The following EHMT1 variants were observed in gnomAD, a reference collection of about 807,000 sequenced individuals.
The protein encoded by EHMT1 is histone-lysine N-methyltransferase EHMT1.
In EHMT1, 15 loss-of-function variants were observed where a neutral mutation model predicts 147.2. The ratio of observed to expected loss-of-function variants is 0.10; its 90% CI spans 0.07 to 0.16. The LOEUF (loss-of-function observed/expected upper bound fraction) is 0.16, where lower values mean the gene tolerates loss of function less well. EHMT1 is among the 10% of genes least tolerant of loss of function. The pLI is 1.00. For missense variants in EHMT1, 1,587 were observed against 1,772.4 expected, an observed-to-expected ratio of 0.90 and a Z score of 1.88; for synonymous variants, 795 against 709.6, an observed-to-expected ratio of 1.12 and a Z score of -1.91.
intron 18 of EHMT1, among the ~76,000 whole-genome samples, chr9:137,810,831 C>T (rs1313826509): frequency 6.6e-6 from 1 of 152,038 alleles, no homozygotes; most frequent in Non-Finnish European, 1.5e-5. Flanking sequence ...TCGCAAGTAG[C>T]TGGGATTACA....
chr9:137,678,804 C>T (rs2134473939), intron 1 of EHMT1, among the ~76,000 whole-genome samples: 1 of 150,420 alleles, frequency 6.6e-6, no homozygotes, highest in East Asian at 2.0e-4. Context: ...TGCCCAGCAG[C>T]TGGCAGATGG....
chr9:137,755,183 G>A (rs959420247), intron 8 of EHMT1, among the ~76,000 whole-genome samples: 4 of 152,194 alleles, frequency 2.6e-5, no homozygotes, highest in Admixed American at 6.5e-5. Context: ...CAGATGATCA[G>A]TGCCATGAGC....
chr9:137,652,031 A>G (rs1937894990), intron 1 of EHMT1, among the ~76,000 whole-genome samples: 3 of 152,164 alleles, frequency 2.0e-5, no homozygotes, highest in Non-Finnish European at 4.4e-5. Context: ...TTTTACCATT[A>G]TTGTAGAGTG....
At chr9:137,697,555 A>G (rs1250045244) in intron 1 of EHMT1, among the ~76,000 whole-genome samples, 7 of 152,176 alleles carry the variant, frequency 4.6e-5, no homozygotes, top group Non-Finnish European at 8.8e-5. Flanking sequence ...TTTTAGCCTC[A>G]TGTAGAAGGA....
At position 137,792,720 on chromosome 9, in the gene EHMT1, C is replaced by T. The variant is rs149714961; in HGVS notation, c.2505+1750C>T. 3.8e-3 allele frequency among the ~76,000 whole-genome samples: 581 copies of T among 152,128 alleles called. 4 individuals carry two copies. Among genetic ancestry groups the T allele is most frequent in the African/African-American group, 0.013 (530 of 41,502 alleles). On this transcript the variant is annotated intron_variant, in intron 16 of 26. Transcript: ENST00000460843. ...AACTCTGTTTCAAAAAAAAGGAAAA[C>T]GTATGTGGATGAAAGGCCCGTACTT...
At chr9:137,795,442 T>TACACACACAG (rs1461681421) in intron 16 of EHMT1, among the ~76,000 whole-genome samples, 1 of 44,796 alleles carries the variant, frequency 2.2e-5, no homozygotes, top group Non-Finnish European at 6.3e-5. Flanking sequence ...CACACTCACA[T>TACACACACAG]ACACACACAG....
chr9:137,707,739 G>C (rs923334853), intron 1 of EHMT1, among the ~76,000 whole-genome samples: 2 of 152,254 alleles, frequency 1.3e-5, no homozygotes, highest in African/African-American at 4.8e-5. Flanking sequence ...TGGTGGTGGT[G>C]ATGAGGACTG....
intron 16 of EHMT1, among the ~76,000 whole-genome samples, chr9:137,791,193 C>T (rs931285993): frequency 6.6e-6 from 1 of 152,086 alleles, no homozygotes; most frequent in Non-Finnish European, 1.5e-5. Flanking sequence ...GACAGGTGAG[C>T]GAATGACGGG....
In EHMT1 at chr9:137,743,898, C is replaced by A. The variant is rs1309661554; in HGVS notation, c.982-4C>A. 6 of 1,609,960 alleles carry A rather than the reference C, an allele frequency of 3.7e-6. No individual in the cohort carries two copies. Among genetic ancestry groups the A allele is most frequent in the Non-Finnish European group, 3.4e-6 (4 of 1,178,948 alleles). On this transcript the variant is annotated splice_polypyrimidine_tract_variant and splice_region_variant and intron_variant, in intron 5 of 26. Transcript: ENST00000460843. The stretch of plus-strand genomic sequence containing the variant: ...CTTGGGGTATACACCTGCCCGTGTT[C>A]TAGGGGGAGAAGGACCTGGGCGCCA...
chr9:137,681,325 T>C (rs904196967), intron 1 of EHMT1, among the ~76,000 whole-genome samples: 1 of 152,150 alleles, frequency 6.6e-6, no homozygotes, highest in African/African-American at 2.4e-5. Context: ...ACCCTGAGAA[T>C]TGTATTTAGC....
chr9:137,799,497 C>T (rs893578360), intron 17 of EHMT1, among the ~76,000 whole-genome samples: 5 of 152,342 alleles, frequency 3.3e-5, no homozygotes, highest in Non-Finnish European at 5.9e-5. Flanking sequence ...ACCTGCCTCA[C>T]GAGTGAATGA....
Position 137,716,772 on chromosome 9 carries a change from A to G in EHMT1, c.232A>G (p.Arg78Gly), listed in dbSNP as rs1230468779. 1.2e-6 allele frequency: 2 copies of G among 1,612,956 alleles called. No homozygotes were observed. Among genetic ancestry groups the G allele is most frequent in the Admixed American group, 3.3e-5 (2 of 59,966 alleles). ...NAAKHTQDSA[R>G]VNPQDGTNTL... ...TGCAAAGCACACTCAGGACAGCGCA[A>G]GGGTCAACCCCCAGGATGGCACCAA... is the stretch of plus-strand genomic sequence containing the variant. The change falls in exon 3 of 27, where the codon AGG becomes GGG. Residue 78 changes from arginine (R) to glycine (G), a missense_variant. Physicochemically the swap from Arg to Gly is moderately radical, Grantham distance 125 (BLOSUM62 -2). Around this residue, in one of 7 missense-constraint regions of EHMT1, gnomAD observed 810 missense variants for 673.0 expected, o/e 1.20. Coordinates refer to ENST00000460843, the MANE Select transcript of EHMT1 (RefSeq NM_024757.5).
intron 15 of EHMT1, among the ~76,000 whole-genome samples, chr9:137,789,895 A>G (rs1952385493): frequency 6.6e-6 from 1 of 152,056 alleles, no homozygotes; most frequent in Non-Finnish European, 1.5e-5. Flanking sequence ...ACGCCTGGTT[A>G]ATTTTTGTAT....
At chr9:137,809,239 G>T (rs13439930) in intron 18 of EHMT1, among the ~76,000 whole-genome samples, 21,624 of 152,222 alleles carry the variant, frequency 0.14, 5,035 homozygotes, top group African/African-American at 0.49. Context: ...CTCGGTTTCT[G>T]TTCTGCTTTT....
At chr9:137,802,592 G>A (rs1233040257) in intron 18 of EHMT1, 34 of 399,282 alleles carry the variant, frequency 8.5e-5, no homozygotes, top group South Asian at 1.4e-4. Context: ...TGAGAACGGC[G>A]TGGGCACGGG....
At chr9:137,642,849 G>A (rs1844593021) in intron 1 of EHMT1, among the ~76,000 whole-genome samples, 1 of 152,134 alleles carries the variant, frequency 6.6e-6, no homozygotes, top group Non-Finnish European at 1.5e-5. Context: ...TACTTTACCT[G>A]TGTAGCTGCT....
chr9:137,780,985 T>C (rs62589688), intron 14 of EHMT1, among the ~76,000 whole-genome samples: 6,912 of 30,876 alleles, frequency 0.22, 852 homozygotes, highest in South Asian at 0.44. Flanking sequence ...GTGATGACGC[T>C]GGGATGTGTG....
chr9:137,741,570 G>A (rs1006729885), intron 4 of EHMT1, among the ~76,000 whole-genome samples: 1 of 152,140 alleles, frequency 6.6e-6, no homozygotes, highest in Non-Finnish European at 1.5e-5. Context: ...AATAACCATG[G>A]GTTACTGAGA....
intron 16 of EHMT1, among the ~76,000 whole-genome samples, chr9:137,793,640 C>T (rs890278121): frequency 7.2e-5 from 11 of 152,178 alleles, no homozygotes; most frequent in Admixed American, 5.9e-4. Context: ...CAGAAACAAC[C>T]CAGATGTCTC....
Sources: gnomAD v4.1 joint callset for allele counts (sites outside exome capture counted in the v4.1 genomes callset) on GRCh38, gnomAD v4.1.1 for gene constraint, gnomAD v4.1.1 regional missense constraint, MANE v1.5 for transcripts, NCBI Gene and HGNC (gene_info 2026-07-23, HGNC 2026-07-21) for gene names.